Variants in ZNF26 observed in about 807,000 individuals in gnomAD.
ZNF26 encodes the protein zinc finger protein 26, also known as epididymis luminal protein 179.
ZNF26 carries 32 observed loss-of-function variants against 54.9 expected under a neutral mutation model. The observed-to-expected ratio is 0.58, with a 90% CI of 0.44 to 0.78. The LOEUF is 0.78. Ranked by LOEUF, ZNF26 falls within the 30% of genes least tolerant of loss-of-function variation. ZNF26 has a pLI of 0.00. For synonymous variants in ZNF26, 221 were observed against 209.2 expected, an observed-to-expected ratio of 1.06 and a Z score of -0.49; for missense variants, 524 against 634.0, an observed-to-expected ratio of 0.83 and a Z score of 1.86.
chr12:133,003,262 T>C (rs1174894985), intron 1 of ZNF26, among the ~76,000 whole-genome samples: 1 of 150,900 alleles, frequency 6.6e-6, no homozygotes, highest in Non-Finnish European at 1.5e-5. Context: ...CTTTTCTTTT[T>C]TTTTTTTTTT....
chr12:133,017,438 G>A lies in ZNF26; in HGVS notation c.*5957G>A, dbSNP rs913949248. 2 of 152,148 alleles carry A rather than the reference G, an allele frequency of 1.3e-5. No homozygotes were observed. Among genetic ancestry groups the A allele is most frequent in the African/African-American group, 4.8e-5 (2 of 41,394 alleles). The allele number at this position is 152,148 out of a possible 1,614,324, so 9.4% of individuals were successfully genotyped here. On this transcript the variant is annotated 3_prime_UTR_variant, in exon 4 of 4. Transcript: ENST00000328654. ...CAGTACTTGACAAGCACAGGGCACC[G>A]TCCTCCAAGATGCAGTCCTGGAATC...
chr12:133,021,624 A>G lies in ZNF26; in HGVS notation c.*10143A>G, dbSNP rs200745784. 0.12 allele frequency: 18,801 copies of G among 151,468 alleles called. 1,523 individuals carry two copies. Among genetic ancestry groups the G allele is most frequent in the Non-Finnish European group, 0.18 (12,457 of 67,836 alleles). 9.4% of individuals were successfully genotyped at this position (151,468 alleles called of 1,614,324 possible). A position where few individuals can be genotyped will look rare whatever the true frequency, so the allele number is the denominator to read the frequency against. Reference sequence around the variant, plus strand: ...TCTACTAAAAATACAAAAATTACCCAGGCGTGGTGGCAGGCACCTGTAATC... The same window carrying G: ...TCTACTAAAAATACAAAAATTACCCGGGCGTGGTGGCAGGCACCTGTAATC... On this transcript the variant is annotated 3_prime_UTR_variant, in exon 4 of 4. Transcript: ENST00000328654.
At chr12:133,003,831 AC>A (rs1443328472) in intron 1 of ZNF26, among the ~76,000 whole-genome samples, 2 of 152,184 alleles carry the variant, frequency 1.3e-5, no homozygotes, top group Non-Finnish European at 2.9e-5. Flanking sequence ...ATGGTGAACC[AC>A]GTGGAGGTGC....
chr12:133,016,900 T>C lies in ZNF26; in HGVS notation c.*5419T>C, dbSNP rs1953574733. ...CTGATATTTTATCATTGAGTTGCCC[T>C]TTTCCAATTTTACATGCTTAGGTTG... On this transcript the variant is annotated 3_prime_UTR_variant, in exon 4 of 4. Coordinates refer to ENST00000328654, the MANE Select transcript of ZNF26 (RefSeq NM_019591.4). 6.6e-6 allele frequency: 1 copy of C among 152,182 alleles called. No individual in the cohort carries two copies. The highest frequency in any genetic ancestry group is 2.4e-5 in the African/African-American group (1 of 41,452). The allele number at this position is 152,182 out of a possible 1,614,324, so 9.4% of individuals were successfully genotyped here.
intron 1 of ZNF26, among the ~76,000 whole-genome samples, chr12:132,998,854 A>G (rs1274794876): frequency 3.3e-5 from 5 of 152,364 alleles, no homozygotes; most frequent in Non-Finnish European, 5.9e-5. Context: ...GAACTTATGC[A>G]AATAACTCTA....
rs61953717 is a variant in ZNF26, at chr12:133,026,125, A to G, written c.*14644A>G. 0.19 allele frequency: 28,439 copies of G among 149,262 alleles called. 3,424 individuals carry two copies. Among genetic ancestry groups the G allele is most frequent in the Non-Finnish European group, 0.27 (18,395 of 67,446 alleles). 9.2% of individuals were successfully genotyped at this position (149,262 alleles called of 1,614,324 possible). A position where few individuals can be genotyped will look rare whatever the true frequency, so the allele number is the denominator to read the frequency against. On this transcript the variant is annotated 3_prime_UTR_variant, in exon 4 of 4. Coordinates refer to ENST00000328654, the MANE Select transcript of ZNF26 (RefSeq NM_019591.4). The stretch of plus-strand genomic sequence containing the variant: ...TAAGTCACTTTTTTTTTTTTTTGAG[A>G]TGCACTCTCACTCTTTCCCAGGCTG...
rs1953655880 is a variant in ZNF26 at position 133,022,410 on chromosome 12, A to G, written c.*10929A>G. ...TCTTATGGTGTTGGAACTGTTCAGC[A>G]TCTTGAAGGTGGTTGTTGATACATG... On this transcript the variant is annotated 3_prime_UTR_variant, in exon 4 of 4. Coordinates refer to ENST00000328654, the MANE Select transcript of ZNF26 (RefSeq NM_019591.4). 6.6e-6 allele frequency: 1 copy of G among 152,304 alleles called. No individual in the cohort carries two copies. Among genetic ancestry groups the G allele is most frequent in the Non-Finnish European group, 1.5e-5 (1 of 68,030 alleles). 9.4% of individuals were successfully genotyped at this position (152,304 alleles called of 1,614,324 possible).
chr12:132,992,439 C>T (rs1342676638), intron 1 of ZNF26, among the ~76,000 whole-genome samples: 1 of 151,652 alleles, frequency 6.6e-6, no homozygotes, highest in African/African-American at 2.4e-5. Flanking sequence ...AATGATATGC[C>T]TACGTGCAGG....
chr12:133,001,796 T>G lies in ZNF26; in HGVS notation c.34-5246T>G. On this transcript the variant is annotated intron_variant, in intron 1 of 3. Transcript: ENST00000328654. The surrounding 1 kb of genome is among the most constrained non-coding windows in gnomAD (Gnocchi z 4.7). ...GCTGAACCCTCACTCCCCAGCTGCCTTTTGAGAGTCCCGCGGCAGTCTTTG... is the reference window on the plus strand; with the variant it reads ...GCTGAACCCTCACTCCCCAGCTGCCGTTTGAGAGTCCCGCGGCAGTCTTTG... The G allele has an allele frequency of 1.1e-6, 1 of 933,802 alleles. No individual in the cohort carries two copies. The highest frequency in any genetic ancestry group is 1.7e-5 in the African/African-American group (1 of 58,996). 57.8% of individuals were successfully genotyped at this position (933,802 alleles called of 1,614,324 possible).
In ZNF26 at chr12:133,013,431, A is replaced by G. The variant is rs1953523105; in HGVS notation, c.*1950A>G. ...GTTATCCTCACCCTTCCCCCCCTCA[A>G]AAAGTTATCCCTTGATAATTTGAAT... On this transcript the variant is annotated 3_prime_UTR_variant, in exon 4 of 4. Coordinates refer to ENST00000328654, the MANE Select transcript of ZNF26 (RefSeq NM_019591.4). 1 of 152,958 alleles carries G rather than the reference A, an allele frequency of 6.5e-6. No homozygotes were observed. Among genetic ancestry groups the G allele is most frequent in the East Asian group, 1.9e-4 (1 of 5,214 alleles). 9.5% of individuals were successfully genotyped at this position (152,958 alleles called of 1,614,324 possible). A position where few individuals can be genotyped will look rare whatever the true frequency, so the allele number is the denominator to read the frequency against.
rs892440050 is a variant in ZNF26, at chr12:133,007,831, C to T, written c.256+299C>T. Among the ~76,000 whole-genome samples, 4 of 152,320 alleles carry T rather than the reference C, an allele frequency of 2.6e-5. No homozygotes were observed. The East Asian group carries it at 5.8e-4, about 22-fold the overall frequency. On this transcript the variant is annotated intron_variant, in intron 3 of 3. Coordinates refer to ENST00000328654, the MANE Select transcript of ZNF26 (RefSeq NM_019591.4). ...CCCCATGGTCATGGGTTTTATTGGGCATCGAGACCTTTAGAGGATTTCTTT... is the reference window on the plus strand; with the variant it reads ...CCCCATGGTCATGGGTTTTATTGGGTATCGAGACCTTTAGAGGATTTCTTT...
intron 1 of ZNF26, chr12:133,005,267 A>C (rs1953299451): frequency 6.6e-6 from 1 of 152,066 alleles, no homozygotes; most frequent in Non-Finnish European, 1.5e-5. Flanking sequence ...CAGTGATGCG[A>C]TCTTGGCTCA....
intron 3 of ZNF26, 56 bp from the exon 4 acceptor site, chr12:133,010,080 C>A: frequency 3.3e-6 from 5 of 1,515,098 alleles, no homozygotes; most frequent in South Asian, 1.3e-5. Flanking sequence ...CTGTTTAATT[C>A]CATATCAGGT....
chr12:133,013,634 T>G lies in ZNF26; in HGVS notation c.*2153T>G, dbSNP rs1296002929. 12 of 163,382 alleles carry G rather than the reference T, an allele frequency of 7.3e-5. No individual in the cohort carries two copies. Among genetic ancestry groups the G allele is most frequent in the African/African-American group, 2.9e-4 (12 of 41,464 alleles). The allele number at this position is 163,382 out of a possible 1,614,324, so 10.1% of individuals were successfully genotyped here. On this transcript the variant is annotated 3_prime_UTR_variant, in exon 4 of 4. Coordinates refer to ENST00000328654, the MANE Select transcript of ZNF26 (RefSeq NM_019591.4). Reference sequence around the variant, plus strand: ...GCCTAGCAAACTCTTCTGATAGACTTTGAATAGGAGTATCTGGGAAGAACC... The same window carrying G: ...GCCTAGCAAACTCTTCTGATAGACTGTGAATAGGAGTATCTGGGAAGAACC...
chr12:133,010,367 A>C lies in ZNF26; in HGVS notation c.488A>C (p.Lys163Thr), dbSNP rs115406645. Residue 163 changes from lysine to threonine, a missense_variant, in exon 4 of 4, where the codon AAG becomes ACG. Coordinates refer to ENST00000328654, the MANE Select transcript of ZNF26 (RefSeq NM_019591.4). ...GGTTATGAAGAACCATATTTTCTTA[A>C]GCATCAAAGAGCTCATAGCATAGAA... is the stretch of plus-strand genomic sequence containing the variant. ...FHGYEEPYFLKHQRAHSIEKN... is the reference protein window; with the variant it reads ...FHGYEEPYFLTHQRAHSIEKN... 94 of 1,613,832 alleles carry C rather than the reference A, an allele frequency of 5.8e-5. No individual in the cohort carries two copies. In the African/African-American group the frequency reaches 1.0e-3, roughly 17 times the overall value.
chr12:132,999,082 C>G (rs1211726813), intron 1 of ZNF26, among the ~76,000 whole-genome samples: 1 of 152,216 alleles, frequency 6.6e-6, no homozygotes, highest in Non-Finnish European at 1.5e-5. Context: ...TCAAGCAGCT[C>G]TTTGTCAGTC....
chr12:133,019,356 TAACA>T lies in ZNF26; in HGVS notation c.*7878_*7881del, dbSNP rs1312667373. ...ACTCTATAGCAAAAACAAAGAAAAA[TAACA>T]AAAAAAAAACCCCAAACTCCAGATA... On this transcript the variant is annotated 3_prime_UTR_variant, in exon 4 of 4. Transcript: ENST00000328654. The T allele has an allele frequency of 2.1e-4, 5 of 23,772 alleles. No homozygotes were observed. The highest frequency in any genetic ancestry group is 7.7e-3 in the East Asian group (2 of 260). The allele number at this position is 23,772 out of a possible 1,614,324, so 1.5% of individuals were successfully genotyped here. A position where few individuals can be genotyped will look rare whatever the true frequency, so the allele number is the denominator to read the frequency against.
intron 1 of ZNF26, chr12:132,987,805 G>A: frequency 1.2e-6 from 1 of 838,054 alleles, no homozygotes; most frequent in Non-Finnish European, 1.4e-6. Flanking sequence ...AGGACACACG[G>A]TGGAGAAAGG....
chr12:133,002,147 C>T (rs930340755), intron 1 of ZNF26, among the ~76,000 whole-genome samples: 15 of 152,258 alleles, frequency 9.9e-5, no homozygotes, highest in East Asian at 3.9e-4. Context: ...CTTCTTTCTC[C>T]GTTTGTTATC....
Sources: gnomAD v4.1 joint callset for allele counts (sites outside exome capture counted in the v4.1 genomes callset) on GRCh38, gnomAD v4.1.1 for gene constraint, Gnocchi (gnomAD v3.1) non-coding constraint, MANE v1.5 for transcripts, NCBI Gene and HGNC (gene_info 2026-07-23, HGNC 2026-07-21) for gene names.